CIRSR: variants seen among roughly 807,000 people sequenced by gnomAD.
CIRSR encodes the protein CBF1 (RBPJ) interacting corepressor 1.
At chr2:174,354,444 TA>T in the CIRSR span, among the ~76,000 whole-genome samples, 1 of 15,582 alleles carries the variant, frequency 6.4e-5, no homozygotes, top group African/African-American at 1.2e-4. Flanking sequence ...ATATATAATA[TA>T]TTATATAATA....
At chr2:174,370,982 C>CT in the CIRSR span, among the ~76,000 whole-genome samples, 1 of 151,496 alleles carries the variant, frequency 6.6e-6, no homozygotes, top group Admixed American at 6.6e-5. Flanking sequence ...AGTGGTTTTA[C>CT]TTGTATTACA....
At chr2:174,395,584 G>A in the CIRSR span, 5 of 1,614,240 alleles carry the variant, frequency 3.1e-6, no homozygotes, top group African/African-American at 1.3e-5. Context: ...CAGGATGAAA[G>A]TCTTTCTTGC....
the CIRSR span, among the ~76,000 whole-genome samples, chr2:174,391,776 A>C: frequency 2.0e-5 from 3 of 152,222 alleles, no homozygotes; most frequent in East Asian, 3.8e-4. Context: ...ATGGAATATT[A>C]TTTAGCAATA....
the CIRSR span, among the ~76,000 whole-genome samples, chr2:174,364,277 G>A: frequency 6.6e-6 from 1 of 152,194 alleles, no homozygotes. Context: ...GATACAAGAG[G>A]TGGGTTCCCA....
chr2:174,371,839 C>T, the CIRSR span, among the ~76,000 whole-genome samples: 2 of 152,176 alleles, frequency 1.3e-5, no homozygotes, highest in South Asian at 2.1e-4. Context: ...AGGCACAAGG[C>T]TGTACCCCAG....
At chr2:174,358,956 A>T in the CIRSR span, among the ~76,000 whole-genome samples, 1 of 152,204 alleles carries the variant, frequency 6.6e-6, no homozygotes, top group African/African-American at 2.4e-5. Flanking sequence ...AGCCTCTCAA[A>T]GTGCTGGGAT....
the CIRSR span, among the ~76,000 whole-genome samples, chr2:174,360,495 AT>A: frequency 6.6e-6 from 1 of 152,238 alleles, no homozygotes; most frequent in Non-Finnish European, 1.5e-5. Flanking sequence ...AAGAATTAAT[AT>A]TTACTGAGTG....
the CIRSR span, among the ~76,000 whole-genome samples, chr2:174,392,843 T>C: frequency 6.6e-6 from 1 of 152,198 alleles, no homozygotes; most frequent in African/African-American, 2.4e-5. Context: ...GATGCAAATG[T>C]CTAGTAGATA....
At chr2:174,378,623 C>T in the CIRSR span, 290 of 341,818 alleles carry the variant, frequency 8.5e-4, 1 homozygote, top group South Asian at 1.5e-3. Context: ...AGCATTTTTT[C>T]CTTCCATTTT....
chr2:174,349,912 G>A, the CIRSR span, among the ~76,000 whole-genome samples: 113 of 152,120 alleles, frequency 7.4e-4, no homozygotes, highest in Non-Finnish European at 1.4e-3. Context: ...ATTAATCAAC[G>A]TTATCAAAAT....
the CIRSR span, among the ~76,000 whole-genome samples, chr2:174,386,015 T>C: frequency 1.3e-5 from 2 of 152,106 alleles, no homozygotes; most frequent in Non-Finnish European, 2.9e-5. Flanking sequence ...GGGAAAATAG[T>C]AACTTTTTTT....
chr2:174,358,916 C>T, the CIRSR span, among the ~76,000 whole-genome samples: 26 of 151,368 alleles, frequency 1.7e-4, no homozygotes, highest in African/African-American at 5.6e-4. Flanking sequence ...TTCACCATAT[C>T]GGCCAGGCTG....
At chr2:174,375,761 T>C in the CIRSR span, among the ~76,000 whole-genome samples, 41,362 of 152,238 alleles carry the variant, frequency 0.27, 6,292 homozygotes, top group South Asian at 0.45. Context: ...GAAAATATTT[T>C]CATATGTTTA....
At chr2:174,374,254 A>C in the CIRSR span, among the ~76,000 whole-genome samples, 1 of 152,168 alleles carries the variant, frequency 6.6e-6, no homozygotes, top group Non-Finnish European at 1.5e-5. Context: ...CTTTCTACCT[A>C]AGTTTTAATT....
At chr2:174,370,100 G>A in the CIRSR span, 32 of 1,323,192 alleles carry the variant, frequency 2.4e-5, no homozygotes, top group Admixed American at 8.8e-5. Flanking sequence ...TATCACTGCT[G>A]GTGTAGAGCT....
chr2:174,373,446 G>C, the CIRSR span, among the ~76,000 whole-genome samples: 2 of 152,084 alleles, frequency 1.3e-5, no homozygotes, highest in African/African-American at 4.8e-5. Flanking sequence ...GAAAACATTA[G>C]CCTTCTGAAG....
At chr2:174,385,358 T>C in the CIRSR span, among the ~76,000 whole-genome samples, 2 of 151,276 alleles carry the variant, frequency 1.3e-5, no homozygotes, top group Admixed American at 6.6e-5. Context: ...AAGAATGAAA[T>C]TGGCTATCAA....
chr2:174,385,429 T>C, the CIRSR span, among the ~76,000 whole-genome samples: 2 of 152,012 alleles, frequency 1.3e-5, no homozygotes, highest in Non-Finnish European at 2.9e-5. Flanking sequence ...TACTCATAAA[T>C]TTGCATTCAA....
At chr2:174,349,957 G>A in the CIRSR span, among the ~76,000 whole-genome samples, 1 of 152,084 alleles carries the variant, frequency 6.6e-6, no homozygotes, top group African/African-American at 2.4e-5. Flanking sequence ...CTGAGTAAGA[G>A]TACACATTAA....
Sources: allele counts gnomAD v4.1 joint callset (sites outside exome capture counted in the v4.1 genomes callset), GRCh38; gene constraint gnomAD v4.1.1; transcripts MANE v1.5; gene names NCBI Gene and HGNC (gene_info 2026-07-23, HGNC 2026-07-21).